ADCY1: variants seen among roughly 807,000 people sequenced by gnomAD.
ADCY1 encodes adenylate cyclase type 1.
A neutral mutation model predicts 105.4 loss-of-function variants in ADCY1; 28 were observed. That is an observed-to-expected ratio of 0.27 (90% CI 0.20 to 0.36). ADCY1 has a LOEUF of 0.36. Ranked by LOEUF, ADCY1 falls within the 10% of genes least tolerant of loss-of-function variation. ADCY1 has a pLI of 1.00. For missense variants in ADCY1, 977 were observed against 1,434.2 expected, an observed-to-expected ratio of 0.68 and a Z score of 5.15; for synonymous variants, 655 against 623.8, an observed-to-expected ratio of 1.05 and a Z score of -0.75.
intron 6 of ADCY1, among the ~76,000 whole-genome samples, chr7:45,658,840 G>T (rs944333643): frequency 6.6e-6 from 1 of 152,200 alleles, no homozygotes; most frequent in African/African-American, 2.4e-5. Context: ...GGGCCCCTCC[G>T]GGGGGGCAGG....
chr7:45,672,598 G>A (rs1474208344), intron 8 of ADCY1, among the ~76,000 whole-genome samples: 3 of 149,904 alleles, frequency 2.0e-5, no homozygotes, highest in African/African-American at 7.4e-5. Flanking sequence ...TTTAATATTG[G>A]TCTTCCTTTT....
intron 14 of ADCY1, among the ~76,000 whole-genome samples, chr7:45,697,262 C>T (rs1452676553): frequency 6.6e-6 from 1 of 152,118 alleles, no homozygotes; most frequent in Non-Finnish European, 1.5e-5. Flanking sequence ...TTCCCAGCCT[C>T]GGTTTCTCTC....
In ADCY1 at chr7:45,721,872, G is replaced by T; in HGVS notation, c.*7877G>T. The T allele has an allele frequency of 2.5e-6, 1 of 398,590 alleles. No homozygotes were observed. The highest frequency in any genetic ancestry group is 4.4e-6 in the Non-Finnish European group (1 of 226,070). The allele number at this position is 398,590 out of a possible 1,614,324, so 24.7% of individuals were successfully genotyped here. A position where few individuals can be genotyped will look rare whatever the true frequency, so the allele number is the denominator to read the frequency against. On this transcript the variant is annotated 3_prime_UTR_variant, in exon 20 of 20. Transcript: ENST00000297323. ...TAGGTTGCTTTCAAAAGAGCTTTCA[G>T]GCACTTATTGAGAATTAATGTTTAA...
At chr7:45,661,385 G>A (rs1304078809) in intron 7 of ADCY1, among the ~76,000 whole-genome samples, 1 of 152,080 alleles carries the variant, frequency 6.6e-6, no homozygotes, top group African/African-American at 2.4e-5. Context: ...CAAGGAAGGG[G>A]TACCGCATTC....
Position 45,575,190 on chromosome 7 carries a change from C to T in ADCY1, c.639+8C>T. 1 of 1,582,338 alleles carries T rather than the reference C, an allele frequency of 6.3e-7. No homozygotes were observed. ...CCACGTCTCTGGAGGACGGTAAGTG[C>T]AGCCGCGCACCCCTCATCTGGTCTC... On this transcript the variant is annotated splice_region_variant and intron_variant, in intron 1 of 19. Transcript: ENST00000297323. This position sits in a 1 kb window ranked among gnomAD's most constrained non-coding sequence, Gnocchi z 4.7.
chr7:45,610,774 AGGTGTGG>A (rs1793529364), intron 3 of ADCY1, among the ~76,000 whole-genome samples: 2 of 144,946 alleles, frequency 1.4e-5, no homozygotes, highest in African/African-American at 2.6e-5. Context: ...GTGATAGTGG[AGGTGTGG>A]GGGTGATGGT....
At chr7:45,580,891 TTGCC>T (rs371795946) in intron 1 of ADCY1, among the ~76,000 whole-genome samples, 2 of 152,220 alleles carry the variant, frequency 1.3e-5, no homozygotes, top group Admixed American at 6.5e-5. Context: ...TTAGAGTTGT[TTGCC>T]TGCCCTTTTG....
chr7:45,710,943 A>G lies in ADCY1; in HGVS notation c.3057+291A>G, dbSNP rs1785219939. On this transcript the variant is annotated intron_variant, in intron 19 of 19. Coordinates refer to ENST00000297323, the MANE Select transcript of ADCY1 (RefSeq NM_021116.4). This position sits in a 1 kb window ranked among gnomAD's most constrained non-coding sequence, Gnocchi z 4.7. Reference sequence around the variant, plus strand: ...TGGTCCCAGCAGCCTGGTGGCTCTCATTCACTCTGCACATCCCAGGACTCC... The same window carrying G: ...TGGTCCCAGCAGCCTGGTGGCTCTCGTTCACTCTGCACATCCCAGGACTCC... Among the ~76,000 whole-genome samples the G allele has an allele frequency of 6.6e-6, 1 of 152,108 alleles. No individual in the cohort carries two copies. Among genetic ancestry groups the G allele is most frequent in the Admixed American group, 6.5e-5 (1 of 15,276 alleles).
intron 8 of ADCY1, among the ~76,000 whole-genome samples, chr7:45,669,561 A>G (rs956170063): frequency 1.3e-5 from 2 of 152,252 alleles, no homozygotes; most frequent in East Asian, 1.9e-4. Flanking sequence ...TATGTGGTCA[A>G]TTTTGGAATA....
intron 7 of ADCY1, among the ~76,000 whole-genome samples, chr7:45,661,697 G>C (rs1477880443): frequency 6.6e-6 from 1 of 152,136 alleles, no homozygotes; most frequent in African/African-American, 2.4e-5. Flanking sequence ...TCTGTAGAAG[G>C]GGACATACTG....
In ADCY1 at chr7:45,660,173, A is replaced by T; in HGVS notation, c.1439A>T (p.His480Leu). The T allele has an allele frequency of 1.2e-6, 2 of 1,614,192 alleles. No homozygotes were observed. The highest frequency in any genetic ancestry group is 1.7e-6 in the Non-Finnish European group (2 of 1,180,024). ...NIETFFIVPS[H>L]RRKIFPGLIL... ...GAAACCTTTTTTATTGTGCCATCCC[A>T]TCGCCGAAAGGTAGGCACCAGAGCC... is the stretch of plus-strand genomic sequence containing the variant. The change falls in exon 7 of 20, where the codon CAT (histidine) becomes CTT (leucine). Residue 480 changes from histidine (H) to leucine (L), a missense_variant. Physicochemically the swap from His to Leu is moderately conservative, Grantham distance 99 (BLOSUM62 -3). This residue lies in a region of ADCY1 where 66 missense variants were observed against 127.2 expected (regional missense o/e 0.52). Coordinates refer to ENST00000297323, the MANE Select transcript of ADCY1 (RefSeq NM_021116.4).
intron 4 of ADCY1, among the ~76,000 whole-genome samples, chr7:45,646,706 G>T (rs1794674751): frequency 6.6e-6 from 1 of 152,224 alleles, no homozygotes; most frequent in Non-Finnish European, 1.5e-5. Context: ...CATGTCAGCT[G>T]CAGCTCAGCC....
rs564080213 is a variant in ADCY1 at position 45,658,817 on chromosome 7, C to A, written c.1307+932C>A. Among the ~76,000 whole-genome samples, 30 of 152,326 alleles carry A rather than the reference C, an allele frequency of 2.0e-4. No individual in the cohort carries two copies. The East Asian group carries it at 5.8e-3, about 29-fold the overall frequency. On this transcript the variant is annotated intron_variant, in intron 6 of 19. Coordinates refer to ENST00000297323, the MANE Select transcript of ADCY1 (RefSeq NM_021116.4). ...CAGGCTGATGGGGGTGACAGTGTCC[C>A]CAGGTGCTTCCAGGGCCCCTCCGGG... is the stretch of plus-strand genomic sequence containing the variant.
intron 14 of ADCY1, among the ~76,000 whole-genome samples, chr7:45,690,885 C>T (rs1784775205): frequency 6.6e-6 from 1 of 152,160 alleles, no homozygotes; most frequent in Admixed American, 6.5e-5. Flanking sequence ...CTTTTTGTTG[C>T]AAAAACCTAC....
Position 45,575,078 on chromosome 7 carries a change from G to A in ADCY1, c.535G>A (p.Val179Met). Residue 179 changes from valine to methionine, a missense_variant, in exon 1 of 20, where the codon GTG (valine) becomes ATG (methionine). This residue lies in a region of ADCY1 where 196 missense variants were observed against 347.8 expected (regional missense o/e 0.56). Transcript: ENST00000297323. This position sits in a 1 kb window ranked among gnomAD's most constrained non-coding sequence, Gnocchi z 4.7. ...VTFVSYALLPVRSLLAIGFGL... is the reference protein window; with the variant it reads ...VTFVSYALLPMRSLLAIGFGL... ...CTTCGTGTCCTATGCCTTGCTGCCC[G>A]TGCGCAGCCTGCTGGCCATAGGCTT... is the stretch of plus-strand genomic sequence containing the variant. The A allele has an allele frequency of 1.9e-6, 3 of 1,612,758 alleles. No individual in the cohort carries two copies. Among genetic ancestry groups the A allele is most frequent in the Non-Finnish European group, 2.5e-6 (3 of 1,179,914 alleles).
At chr7:45,656,103 T>C (rs1280344392) in intron 5 of ADCY1, among the ~76,000 whole-genome samples, 7 of 151,404 alleles carry the variant, frequency 4.6e-5, no homozygotes, top group South Asian at 2.1e-4. Context: ...CTGGCTAACA[T>C]GGTGAAACCC....
At chr7:45,633,638 C>A (rs933093440) in intron 4 of ADCY1, among the ~76,000 whole-genome samples, 5 of 151,928 alleles carry the variant, frequency 3.3e-5, no homozygotes, top group Non-Finnish European at 5.9e-5. Context: ...CCCGTCTCTA[C>A]TAAAAGTACA....
At chr7:45,666,381 C>T (rs569035424) in intron 8 of ADCY1, among the ~76,000 whole-genome samples, 1 of 152,204 alleles carries the variant, frequency 6.6e-6, no homozygotes, top group East Asian at 1.9e-4. Context: ...TGAGAACATG[C>T]GGTGTTTGGT....
intron 14 of ADCY1, among the ~76,000 whole-genome samples, chr7:45,699,573 G>A (rs1784953654): frequency 6.6e-6 from 1 of 152,134 alleles, no homozygotes; most frequent in African/African-American, 2.4e-5. Flanking sequence ...CGGACAAGGT[G>A]GAGAACGTGT....
Sources: allele counts gnomAD v4.1 joint callset (sites outside exome capture counted in the v4.1 genomes callset), GRCh38; gene constraint gnomAD v4.1.1; regional missense constraint gnomAD v4.1.1; non-coding constraint Gnocchi (gnomAD v3.1); transcripts MANE v1.5; gene names NCBI Gene and HGNC (gene_info 2026-07-23, HGNC 2026-07-21).